TNFAIP8: variants seen among roughly 807,000 people sequenced by gnomAD.
TNFAIP8 encodes tumor necrosis factor alpha-induced protein 8.
TNFAIP8 carries 7 observed loss-of-function variants against 13.3 expected under a neutral mutation model. The observed-to-expected ratio is 0.52, with a 90% CI of 0.30 to 0.99. The LOEUF is 0.99. Among genes scored for constraint, TNFAIP8 ranks in the 50% least tolerant of loss-of-function variants. The pLI is 0.07. For missense variants in TNFAIP8, 258 were observed against 236.9 expected (o/e 1.09, Z -0.58); for synonymous variants, 94 against 87.6 (o/e 1.07, Z -0.41).
chr5:119,293,058 T>A (rs1460809275), intron 1 of TNFAIP8, among the ~76,000 whole-genome samples: 1 of 152,162 alleles, frequency 6.6e-6, no homozygotes, highest in Non-Finnish European at 1.5e-5. Context: ...TTTTTAATTT[T>A]GTTTTTAAAT....
intron 1 of TNFAIP8, among the ~76,000 whole-genome samples, chr5:119,310,865 A>G (rs940392775): frequency 3.3e-5 from 5 of 152,116 alleles, no homozygotes; most frequent in African/African-American, 1.2e-4. Flanking sequence ...TTTCTCTGAG[A>G]GCAGGGGTTG....
intron 1 of TNFAIP8, among the ~76,000 whole-genome samples, chr5:119,331,192 A>G (rs975676624): frequency 5.9e-5 from 9 of 151,784 alleles, no homozygotes; most frequent in Non-Finnish European, 1.0e-4. Context: ...CTAGGGAAGC[A>G]TGGAAGTGCT....
intron 1 of TNFAIP8, among the ~76,000 whole-genome samples, chr5:119,285,879 G>T (rs1355726608): frequency 6.6e-6 from 1 of 151,954 alleles, no homozygotes; most frequent in Non-Finnish European, 1.5e-5. Flanking sequence ...GATATGGAAA[G>T]ATCTCCAAGA....
intron 1 of TNFAIP8, among the ~76,000 whole-genome samples, chr5:119,363,673 C>G (rs138437352): frequency 6.6e-6 from 1 of 152,348 alleles, no homozygotes; most frequent in Non-Finnish European, 1.5e-5. Context: ...GTGAGAGGGT[C>G]TTTCTTACAC....
At chr5:119,337,848 T>G (rs574386532) in intron 1 of TNFAIP8, among the ~76,000 whole-genome samples, 15 of 152,280 alleles carry the variant, frequency 9.9e-5, no homozygotes, top group African/African-American at 3.6e-4. Context: ...TTCCCCAGCT[T>G]CCAGAAAATC....
chr5:119,314,170 AAAACAAACAAACAAAC>A (rs3055625), intron 1 of TNFAIP8, among the ~76,000 whole-genome samples: 6 of 150,908 alleles, frequency 4.0e-5, no homozygotes, highest in Middle Eastern at 3.2e-3. Context: ...GCTGTCTCTA[AAAACAAACAAACAAAC>A]AAACAAACAA....
intron 1 of TNFAIP8, among the ~76,000 whole-genome samples, chr5:119,299,127 C>T (rs1316965662): frequency 1.4e-4 from 21 of 152,232 alleles, no homozygotes. Context: ...ATTCTCCATC[C>T]AGCTTTGTTC....
At chr5:119,391,283 T>C in intron 1 of TNFAIP8, 1 of 668,346 alleles carries the variant, frequency 1.5e-6, no homozygotes, top group Non-Finnish European at 2.7e-6. Context: ...ATATAATCAT[T>C]GATGCCTTGA....
chr5:119,316,808 C>G (rs1749909890), intron 1 of TNFAIP8, among the ~76,000 whole-genome samples: 2 of 152,288 alleles, frequency 1.3e-5, no homozygotes, highest in South Asian at 4.1e-4. Context: ...CAGTTTTGCC[C>G]TGCCCGCAAG....
At chr5:119,350,979 T>TGTGTGTGTGTGTGTGTGTGTGTGTGTAG (rs762388884) in intron 1 of TNFAIP8, among the ~76,000 whole-genome samples, 3 of 132,550 alleles carry the variant, frequency 2.3e-5, no homozygotes, top group African/African-American at 8.4e-5. Flanking sequence ...TGTGTGTGTG[T>TGTGTGTGTGTGTGTGTGTGTGTGTGTAG]AGAGAGAGGG....
intron 1 of TNFAIP8, among the ~76,000 whole-genome samples, chr5:119,298,269 G>T (rs1749244252): frequency 6.6e-6 from 1 of 151,824 alleles, no homozygotes; most frequent in Non-Finnish European, 1.5e-5. Context: ...CATGTTTAGT[G>T]CTTCCTTCAG....
intron 1 of TNFAIP8, among the ~76,000 whole-genome samples, chr5:119,292,692 A>ATATATG (rs1749035156): frequency 5.4e-5 from 1 of 18,604 alleles, no homozygotes; most frequent in Admixed American, 7.2e-4. Flanking sequence ...ATATACACAC[A>ATATATG]CACACAATGA....
rs548035746 is a variant in TNFAIP8, at chr5:119,298,772, A to C, written c.1+29865A>C. On this transcript the variant is annotated intron_variant, in intron 1 of 1. Coordinates refer to the TNFAIP8 transcript ENST00000274456. ...TCTGACATAGATTTGGTCTTTTCAC[A>C]TAGTCCCATATTTCTTAGAGGCTTT... is the stretch of plus-strand genomic sequence containing the variant. 1.1e-4 allele frequency among the ~76,000 whole-genome samples: 16 copies of C among 152,074 alleles called. No homozygotes were observed. The East Asian group carries it at 2.9e-3, about 28-fold the overall frequency.
intron 1 of TNFAIP8, among the ~76,000 whole-genome samples, chr5:119,392,453 C>T (rs1211909241): frequency 6.6e-6 from 1 of 152,046 alleles, no homozygotes; most frequent in Non-Finnish European, 1.5e-5. Context: ...TGCAGTGGAG[C>T]AATCTCAGCT....
At chr5:119,375,266 T>G (rs1239885727) in intron 1 of TNFAIP8, among the ~76,000 whole-genome samples, 1 of 152,202 alleles carries the variant, frequency 6.6e-6, no homozygotes. Context: ...GCCTCTGTTT[T>G]TCTTCCTGTG....
Position 119,288,734 on chromosome 5 carries a change from C to G in TNFAIP8, c.1+19827C>G, listed in dbSNP as rs78798276. On this transcript the variant is annotated intron_variant, in intron 1 of 1. Transcript: ENST00000274456. ...CTCTAACCTCTTTTTTCAGAAGAAA[C>G]TAATCTGACTGGTGCCTATAGGCAA... Among the ~76,000 whole-genome samples the G allele has an allele frequency of 7.3e-3, 1,109 of 152,236 alleles. 15 individuals carry two copies. The highest frequency in any genetic ancestry group is 0.024 in the African/African-American group (1,006 of 41,532).
In TNFAIP8 at chr5:119,273,863, C is replaced by A. The variant is rs190249964; in HGVS notation, c.1+4956C>A. ...AGTACTCAGCAAGGCACACAGTAGA[C>A]TCTTGGATATTTTAAAGGAGCCAAA... is the stretch of plus-strand genomic sequence containing the variant. On this transcript the variant is annotated intron_variant, in intron 1 of 1. Transcript: ENST00000274456. Among the ~76,000 whole-genome samples, 9 of 152,306 alleles carry A rather than the reference C, an allele frequency of 5.9e-5. No individual in the cohort carries two copies. In the East Asian group the frequency reaches 1.7e-3, roughly 29 times the overall value.
chr5:119,274,149 T>C (rs1445209623), intron 1 of TNFAIP8, among the ~76,000 whole-genome samples: 1 of 152,182 alleles, frequency 6.6e-6, no homozygotes, highest in African/African-American at 2.4e-5. Flanking sequence ...TCCTGAGCTC[T>C]CTTCTGACTG....
chr5:119,350,998 CTGTGTGTGTGTGTGTGTG>C (rs70982476), intron 1 of TNFAIP8, among the ~76,000 whole-genome samples: 1 of 137,872 alleles, frequency 7.3e-6, no homozygotes, highest in Non-Finnish European at 1.5e-5. Context: ...GGGTCTCACT[CTGTGTGTGTGTGTGTGTG>C]TGTGTGTGTG....
Sources: allele counts gnomAD v4.1 joint callset (sites outside exome capture counted in the v4.1 genomes callset), GRCh38; gene constraint gnomAD v4.1.1; transcripts MANE v1.5; gene names NCBI Gene and HGNC (gene_info 2026-07-23, HGNC 2026-07-21).